Variants in CPED1 observed in about 807,000 individuals in gnomAD.
CPED1 encodes cadherin like and PC-esterase domain containing 1.
Under a neutral mutation model 128.2 loss-of-function variants are expected in CPED1, and 114 were observed. That is an observed-to-expected ratio of 0.89 (90% CI 0.76 to 1.04). The LOEUF (loss-of-function observed/expected upper bound fraction) is 1.04. CPED1 is among the 50% of genes least tolerant of loss of function. The probability of loss-of-function intolerance (pLI) is 0.00; values close to 1 mark genes in which losing one functional copy is unlikely to be tolerated. For missense variants in CPED1, 1,211 were observed against 1,207.1 expected (o/e 1.00, Z -0.05); for synonymous variants, 462 against 426.7 (o/e 1.08, Z -1.02).
At chr7:121,008,276 T>C (rs1163168962) in intron 2 of CPED1, among the ~76,000 whole-genome samples, 1 of 152,186 alleles carries the variant, frequency 6.6e-6, no homozygotes, top group African/African-American at 2.4e-5. Context: ...AACCTTTAAA[T>C]TCTCCACTAC....
At chr7:120,994,489 T>C (rs1296779181) in intron 2 of CPED1, among the ~76,000 whole-genome samples, 1 of 152,184 alleles carries the variant, frequency 6.6e-6, no homozygotes, top group Admixed American at 6.5e-5. Context: ...CAAGACTACT[T>C]TTTGAATGTT....
intron 3 of CPED1, among the ~76,000 whole-genome samples, chr7:121,017,127 G>A (rs1393206421): frequency 6.6e-6 from 1 of 152,214 alleles, no homozygotes; most frequent in Non-Finnish European, 1.5e-5. Context: ...CAGAAGATCT[G>A]CTTTGATGAG....
chr7:121,193,834 A>G (rs754596705), intron 16 of CPED1, among the ~76,000 whole-genome samples: 17 of 151,898 alleles, frequency 1.1e-4, no homozygotes, highest in Non-Finnish European at 1.9e-4. Context: ...TATATCTCCT[A>G]TAAAACTCAG....
At chr7:121,253,125 T>G (rs1288917851) in intron 18 of CPED1, among the ~76,000 whole-genome samples, 1 of 151,870 alleles carries the variant, frequency 6.6e-6, no homozygotes, top group African/African-American at 2.4e-5. Context: ...TGGAATATGA[T>G]GCAGCCATAA....
chr7:121,164,929 A>G (rs1490408143), intron 16 of CPED1, among the ~76,000 whole-genome samples: 1 of 152,212 alleles, frequency 6.6e-6, no homozygotes, highest in Non-Finnish European at 1.5e-5. Flanking sequence ...TGTATTCTTT[A>G]TGACATAAAT....
intron 5 of CPED1, among the ~76,000 whole-genome samples, chr7:121,084,107 G>A (rs1794361937): frequency 6.6e-6 from 1 of 151,978 alleles, no homozygotes; most frequent in Admixed American, 6.6e-5. Flanking sequence ...ATATTTCTTT[G>A]CCTCTACCTA....
chr7:121,258,603 G>C (rs1804162231), intron 18 of CPED1, among the ~76,000 whole-genome samples: 1 of 152,040 alleles, frequency 6.6e-6, no homozygotes, highest in African/African-American at 2.4e-5. Context: ...TCTTTGATTT[G>C]CTTTCTACTG....
chr7:121,101,461 G>A (rs1794847916), intron 7 of CPED1, among the ~76,000 whole-genome samples: 1 of 151,970 alleles, frequency 6.6e-6, no homozygotes, highest in South Asian at 2.1e-4. Flanking sequence ...CTGTTGACCA[G>A]ATTTGATCCT....
chr7:121,167,989 T>A (rs1796572335), intron 16 of CPED1, among the ~76,000 whole-genome samples: 1 of 152,130 alleles, frequency 6.6e-6, no homozygotes, highest in South Asian at 2.1e-4. Context: ...CGCCTCGGCC[T>A]CCCAAAGTGC....
At chr7:121,097,329 C>T (rs1371399796) in intron 5 of CPED1, among the ~76,000 whole-genome samples, 1 of 152,102 alleles carries the variant, frequency 6.6e-6, no homozygotes, top group Non-Finnish European at 1.5e-5. Context: ...GTAATATTCT[C>T]ATGACAAACA....
intron 16 of CPED1, among the ~76,000 whole-genome samples, chr7:121,216,698 A>G (rs151184244): frequency 1.5e-4 from 23 of 152,142 alleles, no homozygotes; most frequent in African/African-American, 5.3e-4. Context: ...GTTTTTCCTT[A>G]TGGTCCAATC....
At chr7:121,014,300 C>T (rs558839638) in intron 2 of CPED1, among the ~76,000 whole-genome samples, 1 of 152,086 alleles carries the variant, frequency 6.6e-6, no homozygotes, top group Non-Finnish European at 1.5e-5. Context: ...CGCCTGTAAT[C>T]CCAGCACTTC....
rs73438265 is a variant in CPED1, at chr7:121,265,801, G to A, written c.2311-426G>A. 8.0e-3 allele frequency among the ~76,000 whole-genome samples: 1,219 copies of A among 151,880 alleles called. 13 individuals carry two copies. Among genetic ancestry groups the A allele is most frequent in the African/African-American group, 0.027 (1,113 of 41,290 alleles). On this transcript the variant is annotated intron_variant, in intron 18 of 22. Coordinates refer to ENST00000310396, the MANE Select transcript of CPED1 (RefSeq NM_024913.5). Reference sequence around the variant, plus strand: ...TGTGGTTCTTTCGTCAAGTAGACACGACCTCTATTGAGCTACCTCTGTGAA... The same window carrying A: ...TGTGGTTCTTTCGTCAAGTAGACACAACCTCTATTGAGCTACCTCTGTGAA...
chr7:121,149,508 G>T (rs377289084), intron 16 of CPED1: 2 of 152,134 alleles, frequency 1.3e-5, no homozygotes, highest in East Asian at 1.9e-4. Context: ...CATTTGTTTT[G>T]CATGTTTCTC....
intron 16 of CPED1, among the ~76,000 whole-genome samples, chr7:121,205,895 A>G (rs1797505886): frequency 6.6e-6 from 1 of 152,084 alleles, no homozygotes; most frequent in African/African-American, 2.4e-5. Context: ...CCTAAACAGG[A>G]TGATAAAAGC....
intron 16 of CPED1, among the ~76,000 whole-genome samples, chr7:121,154,657 T>C (rs1185345245): frequency 6.6e-6 from 1 of 152,116 alleles, no homozygotes; most frequent in East Asian, 1.9e-4. Flanking sequence ...GCGATTCTCC[T>C]GCCTCAGCCT....
chr7:121,101,311 T>C (rs1337888169), intron 7 of CPED1, among the ~76,000 whole-genome samples: 2 of 152,134 alleles, frequency 1.3e-5, no homozygotes, highest in East Asian at 1.9e-4. Context: ...CCACATTGTT[T>C]ACAATGCCCT....
At chr7:121,018,146 T>A (rs191567291) in intron 3 of CPED1, among the ~76,000 whole-genome samples, 24 of 152,256 alleles carry the variant, frequency 1.6e-4, no homozygotes, top group South Asian at 6.2e-4. Context: ...AAATTTTTTT[T>A]AAAAAAGAGT....
intron 18 of CPED1, among the ~76,000 whole-genome samples, chr7:121,257,165 T>C (rs1286085522): frequency 1.3e-5 from 2 of 151,962 alleles, no homozygotes; most frequent in South Asian, 2.1e-4. Flanking sequence ...CTCAGCATCA[T>C]GCAATATACT....
Sources: gnomAD v4.1 joint callset for allele counts (sites outside exome capture counted in the v4.1 genomes callset) on GRCh38, gnomAD v4.1.1 for gene constraint, MANE v1.5 for transcripts, NCBI Gene and HGNC (gene_info 2026-07-23, HGNC 2026-07-21) for gene names.